MYO16: variants seen among roughly 807,000 people sequenced by gnomAD.
MYO16 encodes unconventional myosin-XVI.
Under a neutral mutation model 205.3 loss-of-function variants are expected in MYO16, and 94 were observed. The observed-to-expected ratio is 0.46, with a 90% CI of 0.39 to 0.54. The LOEUF (loss-of-function observed/expected upper bound fraction) is 0.54. Among genes scored for constraint, MYO16 ranks in the 20% least tolerant of loss-of-function variants. MYO16 has a pLI of 0.00. For missense variants in MYO16, 2,315 were observed against 2,387.5 expected, an observed-to-expected ratio of 0.97 and a Z score of 0.63; for synonymous variants, 988 against 954.0, an observed-to-expected ratio of 1.04 and a Z score of -0.66.
chr13:108,919,015 G>A (rs1258109464), intron 16 of MYO16, among the ~76,000 whole-genome samples: 3 of 151,786 alleles, frequency 2.0e-5, no homozygotes, highest in African/African-American at 4.8e-5. Context: ...AAAACCTGAG[G>A]CCAATGTCCA....
In MYO16 at chr13:109,125,497, G is replaced by C; in HGVS notation, c.3782+139G>C. 3.5e-6 allele frequency: 4 copies of C among 1,153,118 alleles called. No homozygotes were observed. The highest frequency in any genetic ancestry group is 4.9e-6 in the Non-Finnish European group (4 of 822,924). The allele number at this position is 1,153,118 out of a possible 1,614,324, so 71.4% of individuals were successfully genotyped here. A position where few individuals can be genotyped will look rare whatever the true frequency, so the allele number is the denominator to read the frequency against. The stretch of plus-strand genomic sequence containing the variant: ...AACAGGCATGCGTGGTTTGTTATTC[G>C]AAATGGCAGCAGTCTAAAAAGATGC... On this transcript the variant is annotated intron_variant, in intron 30 of 34. Coordinates refer to ENST00000457511, the MANE Select transcript of MYO16 (RefSeq NM_001198950.3). The surrounding 1 kb of genome is among the most constrained non-coding windows in gnomAD (Gnocchi z 4.0).
chr13:108,836,708 C>A (rs1252707313), intron 9 of MYO16, among the ~76,000 whole-genome samples: 2 of 152,134 alleles, frequency 1.3e-5, no homozygotes, highest in African/African-American at 4.8e-5. Context: ...AAAAGAGAAT[C>A]GTTATGGAAC....
chr13:108,814,468 G>T (rs1443521221), intron 7 of MYO16, among the ~76,000 whole-genome samples: 1 of 150,718 alleles, frequency 6.6e-6, no homozygotes, highest in Non-Finnish European at 1.5e-5. Context: ...TCTGACATAT[G>T]ATATAAAAGC....
chr13:109,099,585 G>T (rs4771626), intron 27 of MYO16, among the ~76,000 whole-genome samples: 34,952 of 152,018 alleles, frequency 0.23, 4,222 homozygotes, highest in Middle Eastern at 0.29. Context: ...CATATTGGGG[G>T]TTAGGATTTG....
intron 4 of MYO16, among the ~76,000 whole-genome samples, chr13:108,739,287 T>C (rs1015837109): frequency 6.6e-6 from 1 of 152,196 alleles, no homozygotes; most frequent in Non-Finnish European, 1.5e-5. Context: ...GTTGTTCCTT[T>C]CCATGTTTAG....
intron 33 of MYO16, among the ~76,000 whole-genome samples, chr13:109,174,091 A>G (rs1879054742): frequency 6.6e-6 from 1 of 151,996 alleles, no homozygotes; most frequent in African/African-American, 2.4e-5. Flanking sequence ...TACATGAAGC[A>G]AGAGTATTAA....
At chr13:108,955,439 C>T (rs982363076) in intron 16 of MYO16, among the ~76,000 whole-genome samples, 2 of 152,176 alleles carry the variant, frequency 1.3e-5, no homozygotes, top group Admixed American at 1.3e-4. Context: ...TCTCACAGAT[C>T]CAGCTCACAT....
At chr13:108,900,146 T>A (rs1442913324) in intron 15 of MYO16, among the ~76,000 whole-genome samples, 3 of 152,250 alleles carry the variant, frequency 2.0e-5, no homozygotes, top group Admixed American at 1.3e-4. Flanking sequence ...TCCTCTTTTT[T>A]ATTTTTCTGG....
chr13:109,009,269 A>T (rs1885512370), intron 22 of MYO16, among the ~76,000 whole-genome samples: 1 of 152,220 alleles, frequency 6.6e-6, no homozygotes, highest in Non-Finnish European at 1.5e-5. Flanking sequence ...TATCATTTTG[A>T]TATAGAAATA....
At chr13:108,521,977 C>T in the MYO16 span, among the ~76,000 whole-genome samples, 7 of 152,082 alleles carry the variant, frequency 4.6e-5, no homozygotes, top group Non-Finnish European at 8.8e-5. Flanking sequence ...TTTGCATTTC[C>T]CCCAGTCTTT....
Position 108,649,019 on chromosome 13 carries a change from T to TA in MYO16, c.29-16860dup, listed in dbSNP as rs570865450. Among the ~76,000 whole-genome samples the TA allele has an allele frequency of 3.6e-5, 5 of 140,258 alleles. No homozygotes were observed. In the East Asian group the frequency reaches 8.4e-4, roughly 24 times the overall value. 92.0% of individuals were successfully genotyped at this position (140,258 alleles called of 152,430 possible). A position where few individuals can be genotyped will look rare whatever the true frequency, so the allele number is the denominator to read the frequency against. On this transcript the variant is annotated intron_variant, in intron 1 of 34. Coordinates refer to ENST00000457511, the MANE Select transcript of MYO16 (RefSeq NM_001198950.3). ...GATATTTAAACAACAGAGAGGGCAT[T>TA]AAAAAAATATTCCAGTGTCCCAGGA...
intron 6 of MYO16, among the ~76,000 whole-genome samples, chr13:108,805,925 A>AAAATAAATACATAAATAAAT (rs1887098393): frequency 7.3e-6 from 1 of 137,028 alleles, no homozygotes; most frequent in Non-Finnish European, 1.6e-5. Flanking sequence ...AGTCTCTACC[A>AAAATAAATACATAAATAAAT]AAATAAATAA....
intron 9 of MYO16, among the ~76,000 whole-genome samples, chr13:108,830,731 G>A (rs1242171156): frequency 3.3e-5 from 5 of 151,902 alleles, no homozygotes; most frequent in African/African-American, 7.3e-5. Flanking sequence ...GGCCCATTGT[G>A]CACAGGTACC....
intron 33 of MYO16, among the ~76,000 whole-genome samples, chr13:109,176,360 CTT>C (rs1211128897): frequency 3.3e-5 from 5 of 151,636 alleles, no homozygotes; most frequent in African/African-American, 1.2e-4. Flanking sequence ...AAAAAAGCCT[CTT>C]ATTTAATATA....
chr13:109,024,498 T>C (rs999656259), intron 23 of MYO16, among the ~76,000 whole-genome samples: 1 of 152,168 alleles, frequency 6.6e-6, no homozygotes, highest in Admixed American at 6.5e-5. Context: ...GTACATTCAC[T>C]TAAAATTTCC....
chr13:108,763,368 G>GC (rs1368655196), intron 4 of MYO16, among the ~76,000 whole-genome samples: 2 of 152,174 alleles, frequency 1.3e-5, no homozygotes, highest in African/African-American at 4.8e-5. Flanking sequence ...CATGGGGGAT[G>GC]CCCCACCTAG....
At chr13:108,589,393 A>G in the MYO16 span, among the ~76,000 whole-genome samples, 2 of 152,020 alleles carry the variant, frequency 1.3e-5, no homozygotes. Context: ...TGATGTTTTC[A>G]TTAATGTGTT....
intron 1 of MYO16, among the ~76,000 whole-genome samples, chr13:108,598,598 T>C (rs899316856): frequency 6.6e-6 from 1 of 152,202 alleles, no homozygotes; most frequent in African/African-American, 2.4e-5. Flanking sequence ...TTTCTGTTCC[T>C]GGACTTGCTA....
At chr13:109,040,970 A>G (rs981972622) in intron 23 of MYO16, among the ~76,000 whole-genome samples, 23 of 152,192 alleles carry the variant, frequency 1.5e-4, no homozygotes, top group Non-Finnish European at 3.1e-4. Context: ...TCTACCATAA[A>G]AAAAGAAAGG....
Sources: gnomAD v4.1 joint callset for allele counts (sites outside exome capture counted in the v4.1 genomes callset) on GRCh38, gnomAD v4.1.1 for gene constraint, Gnocchi (gnomAD v3.1) non-coding constraint, MANE v1.5 for transcripts, NCBI Gene and HGNC (gene_info 2026-07-23, HGNC 2026-07-21) for gene names.